SLC15A4: variants seen among roughly 807,000 people sequenced by gnomAD.
SLC15A4 encodes solute carrier family 15 member 4.
A neutral mutation model predicts 46.1 loss-of-function variants in SLC15A4; 26 were observed. That is an observed-to-expected ratio of 0.56 (90% confidence interval 0.41 to 0.78). SLC15A4 has a LOEUF of 0.78. SLC15A4 is among the 30% of genes least tolerant of loss of function. The probability of loss-of-function intolerance (pLI) is 0.00; values close to 1 mark genes in which losing one functional copy is unlikely to be tolerated. For synonymous variants in SLC15A4, 370 were observed against 333.4 expected (o/e 1.11, Z -1.20); for missense variants, 751 against 755.7 (o/e 0.99, Z 0.07).
In SLC15A4 at chr12:128,823,863, AGCCGCCGCCGCGGCC is replaced by A. The variant is rs1222699228; in HGVS notation, c.66_80del (p.Ala23_Ala27del). On this transcript the variant is annotated inframe_deletion, in exon 1 of 8. Coordinates refer to ENST00000266771, the MANE Select transcript of SLC15A4 (RefSeq NM_145648.4). ...CCGCGCGCCGGCCCGCGAACGCCCCAGCCGCCGCCGCGGCCGCCGCCGCCCGCCGCGCGCCCAGCA... is the reference window on the plus strand; with the variant it reads ...CCGCGCGCCGGCCCGCGAACGCCCCAGCCGCCGCCCGCCGCGCGCCCAGCA... 3.1e-5 allele frequency: 33 copies of A among 1,077,652 alleles called. No individual in the cohort carries two copies. Among genetic ancestry groups the A allele is most frequent in the South Asian group, 3.0e-4 (7 of 23,032 alleles). The allele number at this position is 1,077,652 out of a possible 1,614,324, so 66.8% of individuals were successfully genotyped here.
chr12:128,808,698 C>A, intron 5 of SLC15A4, 90 bp downstream of exon 5: 2 of 1,349,924 alleles, frequency 1.5e-6, no homozygotes, highest in South Asian at 1.3e-5. Flanking sequence ...TCCTGAACAA[C>A]CTGGGGCACG....
rs1176888407 is a variant in SLC15A4, at chr12:128,796,458, A to AAAAAAAC, written c.1574-2103_1574-2102insGTTTTTT. Among the ~76,000 whole-genome samples the AAAAAAAC allele has an allele frequency of 6.3e-4, 22 of 34,662 alleles. 1 individual carries two copies. The highest frequency in any genetic ancestry group is 4.4e-3 in the South Asian group (4 of 918). 22.7% of individuals were successfully genotyped at this position (34,662 alleles called of 152,430 possible). A position where few individuals can be genotyped will look rare whatever the true frequency, so the allele number is the denominator to read the frequency against. On this transcript the variant is annotated intron_variant, in intron 7 of 7. Coordinates refer to ENST00000266771, the MANE Select transcript of SLC15A4 (RefSeq NM_145648.4). ...AAAAAAAAAAAAAAAAAAAAAAAAA[A>AAAAAAAC]CCCACACATCTGTATGGTGAGATCT...
In SLC15A4 at chr12:128,823,533, G is replaced by A; in HGVS notation, c.411C>T (p.Arg137=). The change falls in exon 1 of 8, where the codon CGC becomes CGT. Residue 137 remains arginine (R), a synonymous_variant. Coordinates refer to ENST00000266771, the MANE Select transcript of SLC15A4 (RefSeq NM_145648.4). ...GACCAGGCGCCGTGCAGTTGAGCAG[G>A]CGCGCGGAACCGCAGAGCGCGGCTC... is the stretch of plus-strand genomic sequence containing the variant. ...ATRAALCGSA[R]LLNCTAPGPD... is the part of the protein sequence containing the mutation. 1 of 1,469,134 alleles carries A rather than the reference G, an allele frequency of 6.8e-7. No homozygotes were observed. Among genetic ancestry groups the A allele is most frequent in the African/African-American group, 1.5e-5 (1 of 67,880 alleles). The allele number at this position is 1,469,134 out of a possible 1,614,324, so 91.0% of individuals were successfully genotyped here.
intron 1 of SLC15A4, among the ~76,000 whole-genome samples, chr12:128,822,354 GT>G (rs1955856522): frequency 6.6e-6 from 1 of 152,152 alleles, no homozygotes; most frequent in Non-Finnish European, 1.5e-5. Context: ...CAATATGAGT[GT>G]TTTCCCACTT....
intron 1 of SLC15A4, among the ~76,000 whole-genome samples, chr12:128,821,304 C>G (rs948347516): frequency 6.6e-5 from 10 of 152,214 alleles, no homozygotes; most frequent in African/African-American, 2.4e-4. Context: ...AGGAGAGACT[C>G]CCACCTCATG....
intron 1 of SLC15A4, among the ~76,000 whole-genome samples, chr12:128,817,051 A>G (rs915461505): frequency 6.6e-6 from 1 of 152,252 alleles, no homozygotes; most frequent in Admixed American, 6.5e-5. Flanking sequence ...CATGGCCACT[A>G]TGGTGGCAGG....
rs558551403 is a variant in SLC15A4 at position 128,799,546 on chromosome 12, C to T, written c.1415-129G>A. 26 of 924,320 alleles carry T rather than the reference C, an allele frequency of 2.8e-5. No homozygotes were observed. The South Asian group carries it at 4.0e-4, about 14-fold the overall frequency. 57.3% of individuals were successfully genotyped at this position (924,320 alleles called of 1,614,324 possible). A position where few individuals can be genotyped will look rare whatever the true frequency, so the allele number is the denominator to read the frequency against. ...GACTGAGTCCTGCAGACAGGCACAA[C>T]CTCTTTTCTATTAGGAGGACGATGC... On this transcript the variant is annotated intron_variant, in intron 6 of 7. Transcript: ENST00000266771.
intron 2 of SLC15A4, chr12:128,814,286 C>A: frequency 4.3e-6 from 1 of 230,124 alleles, no homozygotes; most frequent in Non-Finnish European, 8.5e-6. Flanking sequence ...TATGATGGAC[C>A]TGACCGCTGT....
At chr12:128,809,589 T>TA (rs1955629309) in intron 3 of SLC15A4, 116 bp from the exon 4 acceptor site, 2 of 665,630 alleles carry the variant, frequency 3.0e-6, no homozygotes, top group Non-Finnish European at 5.2e-6. Flanking sequence ...CTCCCAGAAA[T>TA]AGACAATGGC....
intron 2 of SLC15A4, 185 bp from the exon 3 acceptor site, chr12:128,810,296 G>T: frequency 1.7e-6 from 1 of 574,888 alleles, no homozygotes; most frequent in Non-Finnish European, 3.0e-6. Flanking sequence ...GTCACAGAAT[G>T]TACTGAAACA....
chr12:128,823,567 G>T lies in SLC15A4; in HGVS notation c.377C>A (p.Pro126His). The change falls in exon 1 of 8, where the codon CCC becomes CAC. Residue 126 changes from proline (P) to histidine (H), a missense_variant. Physicochemically the swap from Pro to His is moderately conservative, Grantham distance 77 (BLOSUM62 -2). Transcript: ENST00000266771. ...ACCGCAGAGCGCGGCTCGCGTGGCGGGCGCGGCCAGCAGCGGGAAGGCCAG... is the reference window on the plus strand; with the variant it reads ...ACCGCAGAGCGCGGCTCGCGTGGCGTGCGCGGCCAGCAGCGGGAAGGCCAG... ...GMLAFPLLAA[P>H]ATRAALCGSA... 1.4e-6 allele frequency: 2 copies of T among 1,442,068 alleles called. No individual in the cohort carries two copies. The highest frequency in any genetic ancestry group is 3.0e-5 in the East Asian group (1 of 33,356). 89.3% of individuals were successfully genotyped at this position (1,442,068 alleles called of 1,614,324 possible).
Position 128,794,249 on chromosome 12 carries a change from G to A in SLC15A4, c.1681C>T (p.Arg561Ter), listed in dbSNP as rs757835480. The A allele has an allele frequency of 9.9e-6, 16 of 1,613,908 alleles. No homozygotes were observed. The highest frequency in any genetic ancestry group is 4.0e-5 in the African/African-American group (3 of 74,912). Residue 561 changes from arginine to a stop codon, truncating the protein, a stop_gained, in exon 8 of 8, where the codon CGA (arginine) becomes TGA (stop). Transcript: ENST00000266771. LOFTEE classifies it low-confidence loss of function (END_TRUNC). ...LIISVKYDHH[R>*]DHQRSRANGV... ...TTGGCTCTTGATCGCTGATGGTCTCGATGATGGTCATATTTCACAGAAATA... is the reference window on the plus strand; with the variant it reads ...TTGGCTCTTGATCGCTGATGGTCTCAATGATGGTCATATTTCACAGAAATA...
chr12:128,802,937 C>A (rs892328888), intron 5 of SLC15A4, among the ~76,000 whole-genome samples: 1 of 152,146 alleles, frequency 6.6e-6, no homozygotes, highest in African/African-American at 2.4e-5. Flanking sequence ...CCCCCAGTCA[C>A]GAGCGAGGCG....
rs752357670 is a variant in SLC15A4, at chr12:128,794,237, G to A, written c.1693C>T (p.Arg565Ter). The A allele has an allele frequency of 1.8e-5, 29 of 1,613,612 alleles. No individual in the cohort carries two copies. The Middle Eastern group carries it at 1.3e-3, about 73-fold the overall frequency. ...VKYDHHRDHQ[R>*]SRANGVPTSR... ...GTGGGCACGCCATTGGCTCTTGATCGCTGATGGTCTCGATGATGGTCATAT... is the reference window on the plus strand; with the variant it reads ...GTGGGCACGCCATTGGCTCTTGATCACTGATGGTCTCGATGATGGTCATAT... Residue 565 changes from arginine to a stop codon, truncating the protein, a stop_gained, in exon 8 of 8, where the codon CGA (arginine) becomes TGA (stop). Coordinates refer to ENST00000266771, the MANE Select transcript of SLC15A4 (RefSeq NM_145648.4). LOFTEE classifies it low-confidence loss of function (END_TRUNC).
intron 5 of SLC15A4, among the ~76,000 whole-genome samples, chr12:128,804,468 A>C (rs1340969474): frequency 1.3e-5 from 2 of 152,248 alleles, no homozygotes; most frequent in Non-Finnish European, 2.9e-5. Context: ...CCAGTGGCTC[A>C]CGCCTGTAAT....
At chr12:128,794,384 G>A (rs767088765) in intron 7 of SLC15A4, 28 bp from the exon 8 acceptor site, 1 of 1,593,762 alleles carries the variant, frequency 6.3e-7, no homozygotes, top group Non-Finnish European at 8.6e-7. Context: ...AAAGCGGCAG[G>A]TAAGCTGCGC....
At chr12:128,804,135 C>T (rs1004096538) in intron 5 of SLC15A4, among the ~76,000 whole-genome samples, 3 of 152,108 alleles carry the variant, frequency 2.0e-5, no homozygotes, top group African/African-American at 7.2e-5. Context: ...GATATTTGGC[C>T]ATAACGGAAG....
In SLC15A4 at chr12:128,794,176, C is replaced by T. The variant is rs777706237; in HGVS notation, c.*20G>A. 8 of 1,588,650 alleles carry T rather than the reference C, an allele frequency of 5.0e-6. No homozygotes were observed. Among genetic ancestry groups the T allele is most frequent in the South Asian group, 2.2e-5 (2 of 89,396 alleles). Reference sequence around the variant, plus strand: ...TTACTGACATGTCAGCCTCAGAAACCGCACATGGCCTCAGGAAGGTCAGGC... The same window carrying T: ...TTACTGACATGTCAGCCTCAGAAACTGCACATGGCCTCAGGAAGGTCAGGC... On this transcript the variant is annotated 3_prime_UTR_variant, in exon 8 of 8. Coordinates refer to ENST00000266771, the MANE Select transcript of SLC15A4 (RefSeq NM_145648.4).
In SLC15A4 at chr12:128,809,393, T is replaced by C. The variant is rs116105066; in HGVS notation, c.1089+3A>G. ...ATGTTCAGATCATTACAATTGTTCT[T>C]ACCGTGTGAGGAGTGGTTGTAATAT... On this transcript the variant is annotated splice_donor_region_variant and intron_variant, in intron 4 of 7. Transcript: ENST00000266771. 1,301 of 1,579,044 alleles carry C rather than the reference T, an allele frequency of 8.2e-4. 4 individuals carry two copies. The African/African-American group carries it at 0.015, about 18-fold the overall frequency.
Sources: allele counts gnomAD v4.1 joint callset (sites outside exome capture counted in the v4.1 genomes callset), GRCh38; gene constraint gnomAD v4.1.1; transcripts MANE v1.5; gene names NCBI Gene and HGNC (gene_info 2026-07-23, HGNC 2026-07-21).